Variants in CFAP161 observed in about 807,000 individuals in gnomAD.
The protein encoded by CFAP161 is cilia and flagella associated protein 161.
Under a neutral mutation model 29.0 loss-of-function variants are expected in CFAP161, and 25 were observed. That is an observed-to-expected ratio of 0.86 (90% CI 0.63 to 1.20). The LOEUF is 1.20. CFAP161 is among the 50% of genes most tolerant of loss of function. CFAP161 has a pLI of 0.00. For synonymous variants in CFAP161, 116 were observed against 137.4 expected (o/e 0.84, Z 1.09); for missense variants, 367 against 371.9 (o/e 0.99, Z 0.11).
At chr15:81,111,104 T>C (rs1182853160) in intron 1 of CFAP161, among the ~76,000 whole-genome samples, 2 of 152,256 alleles carry the variant, frequency 1.3e-5, no homozygotes, top group Non-Finnish European at 2.9e-5. Flanking sequence ...AGGACTGTTA[T>C]TTAGTGGGAA....
chr15:81,134,938 G>A (rs949497143), intron 1 of CFAP161, among the ~76,000 whole-genome samples: 1 of 152,206 alleles, frequency 6.6e-6, no homozygotes, highest in African/African-American at 2.4e-5. Flanking sequence ...TTGGGGAGGG[G>A]TGAACTTTCT....
At chr15:81,103,457 T>C (rs1054383505) in intron 1 of CFAP161, among the ~76,000 whole-genome samples, 1 of 151,994 alleles carries the variant, frequency 6.6e-6, no homozygotes, top group Non-Finnish European at 1.5e-5. Context: ...GGGGACCTTA[T>C]GAACCTTCCA....
At chr15:81,147,756 G>A (rs1895033086) in intron 5 of CFAP161, 102 bp from the exon 6 acceptor site, 4 of 628,542 alleles carry the variant, frequency 6.4e-6, no homozygotes, top group South Asian at 4.8e-5. Context: ...TGAAATAAAT[G>A]TATAGTATAA....
intron 5 of CFAP161, among the ~76,000 whole-genome samples, chr15:81,147,136 C>T (rs1381360343): frequency 4.6e-5 from 7 of 151,768 alleles, no homozygotes; most frequent in East Asian, 1.9e-4. Flanking sequence ...GAGCACAAGA[C>T]GAATGCATAA....
chr15:81,117,698 CTCTTCATCCTCA>C (rs946304446), intron 1 of CFAP161: 3 of 294,674 alleles, frequency 1.0e-5, no homozygotes, highest in South Asian at 3.8e-5. Context: ...TTTCTTCCTC[CTCTTCATCCTCA>C]TCTTCATCCT....
At position 81,148,943 on chromosome 15, in the gene CFAP161, C is replaced by A. The variant is rs1895058365; in HGVS notation, c.*410C>A. 6.5e-6 allele frequency: 1 copy of A among 154,158 alleles called. No homozygotes were observed. Among genetic ancestry groups the A allele is most frequent in the Non-Finnish European group, 1.4e-5 (1 of 69,434 alleles). 9.5% of individuals were successfully genotyped at this position (154,158 alleles called of 1,614,324 possible). A position where few individuals can be genotyped will look rare whatever the true frequency, so the allele number is the denominator to read the frequency against. On this transcript the variant is annotated 3_prime_UTR_variant, in exon 7 of 7. Transcript: ENST00000286732. ...AATGTACTAAAACACAAAAAACTGA[C>A]AGCTCTGAGCTGTGGCCTTACCTTG...
At chr15:81,115,834 G>A (rs1894490380) in intron 1 of CFAP161, among the ~76,000 whole-genome samples, 1 of 149,360 alleles carries the variant, frequency 6.7e-6, no homozygotes. Context: ...AGGTACCACT[G>A]TGCCTAGCTA....
Position 81,134,418 on chromosome 15 carries a change from G to A in CFAP161, c.69+20G>A. ...GAGGAGGTACGCAGGGTGTGGCCAG[G>A]CGCAGACCCGCAGCTCAGGAACTCC... On this transcript the variant is annotated intron_variant, in intron 1 of 6. Transcript: ENST00000286732. 1 of 1,569,678 alleles carries A rather than the reference G, an allele frequency of 6.4e-7. No homozygotes were observed. The highest frequency in any genetic ancestry group is 8.6e-7 in the Non-Finnish European group (1 of 1,157,040).
intron 5 of CFAP161, among the ~76,000 whole-genome samples, chr15:81,144,323 G>A (rs903277866): frequency 2.0e-5 from 3 of 152,184 alleles, no homozygotes; most frequent in Non-Finnish European, 4.4e-5. Flanking sequence ...GCCCAGGTGC[G>A]GTGGCTCACG....
At chr15:81,100,791 G>A (rs1894295502) in intron 1 of CFAP161, among the ~76,000 whole-genome samples, 1 of 151,506 alleles carries the variant, frequency 6.6e-6, no homozygotes, top group South Asian at 2.1e-4. Context: ...TCCTGCCTTG[G>A]CCTCCCAAAG....
upstream of CFAP161, chr15:81,134,143 G>A (rs1047789137): frequency 5.0e-6 from 3 of 603,730 alleles, no homozygotes; most frequent in African/African-American, 1.9e-5. Context: ...GGGCGGGCTG[G>A]AGGGCCACAG....
chr15:81,109,118 T>G (rs1894410631), intron 1 of CFAP161, among the ~76,000 whole-genome samples: 1 of 152,184 alleles, frequency 6.6e-6, no homozygotes, highest in African/African-American at 2.4e-5. Context: ...TCTGGCTAAC[T>G]TTCTCAAAAC....
Position 81,101,986 on chromosome 15 carries a change from G to A in CFAP161, c.-141-25604G>A, listed in dbSNP as rs185631581. On this transcript the variant is annotated intron_variant, in intron 1 of 4. Coordinates refer to the CFAP161 transcript ENST00000560091. ...CTTCCAGGACAAAAGGTGTAGCTCT[G>A]AGGGTACACTTGGAGACGGCAAGTA... is the stretch of plus-strand genomic sequence containing the variant. 2.6e-5 allele frequency among the ~76,000 whole-genome samples: 4 copies of A among 152,258 alleles called. No individual in the cohort carries two copies. The East Asian group carries it at 7.7e-4, about 29-fold the overall frequency.
chr15:81,112,953 G>A (rs990627217), intron 1 of CFAP161, among the ~76,000 whole-genome samples: 2 of 152,092 alleles, frequency 1.3e-5, no homozygotes, highest in African/African-American at 4.8e-5. Context: ...TAATGTATGA[G>A]TGCATTTCTG....
chr15:81,118,497 C>A (rs902385477), intron 1 of CFAP161, among the ~76,000 whole-genome samples: 15 of 152,368 alleles, frequency 9.8e-5, no homozygotes, highest in Middle Eastern at 3.4e-3. Flanking sequence ...GGAGGCCACG[C>A]GGGGCCGCCC....
At chr15:81,106,711 G>C (rs1894377410) in intron 1 of CFAP161, among the ~76,000 whole-genome samples, 1 of 152,140 alleles carries the variant, frequency 6.6e-6, no homozygotes, top group South Asian at 2.1e-4. Flanking sequence ...CTCTTTCAAA[G>C]GTCAGGGAAG....
intron 3 of CFAP161, 145 bp downstream of exon 3, chr15:81,136,893 G>T: frequency 1.5e-6 from 1 of 668,898 alleles, no homozygotes; most frequent in Admixed American, 2.9e-5. Flanking sequence ...TGCTTACCTT[G>T]AGAATTATTG....
intron 1 of CFAP161, among the ~76,000 whole-genome samples, chr15:81,127,108 T>G (rs1371640543): frequency 1.3e-5 from 2 of 152,224 alleles, no homozygotes; most frequent in Non-Finnish European, 2.9e-5. Context: ...CTGGCATGCC[T>G]TAATGTTTGT....
chr15:81,111,902 G>C (rs924206637), intron 1 of CFAP161, among the ~76,000 whole-genome samples: 2 of 152,162 alleles, frequency 1.3e-5, no homozygotes, highest in Admixed American at 1.3e-4. Context: ...GTTGAAATTA[G>C]CTTAGGAAGT....
Sources: allele counts gnomAD v4.1 joint callset (sites outside exome capture counted in the v4.1 genomes callset), GRCh38; gene constraint gnomAD v4.1.1; transcripts MANE v1.5; gene names NCBI Gene and HGNC (gene_info 2026-07-23, HGNC 2026-07-21).